The following FSTL5 variants were observed in gnomAD, a reference collection of about 807,000 sequenced individuals.
FSTL5 encodes the protein follistatin-related protein 5.
A neutral mutation model predicts 89.1 loss-of-function variants in FSTL5; 62 were observed. The ratio of observed to expected loss-of-function variants is 0.70; its 90% confidence interval spans 0.57 to 0.86. The LOEUF is 0.86. FSTL5 is among the 40% of genes least tolerant of loss of function. The pLI is 0.00. For synonymous variants in FSTL5, 383 were observed against 346.2 expected (o/e 1.11, Z -1.18); for missense variants, 1,057 against 1,001.6 (o/e 1.06, Z -0.75).
At chr4:162,020,895 G>A (rs1456573061) in intron 3 of FSTL5, among the ~76,000 whole-genome samples, 1 of 152,022 alleles carries the variant, frequency 6.6e-6, no homozygotes, top group Non-Finnish European at 1.5e-5. Context: ...TGCATTATTA[G>A]TCACTTCATG....
rs200586230 is a variant in FSTL5, at chr4:161,714,828, A to AT, written c.727+44582dup. ...GCTGGCTTTTAGTAGATTAATTGAG[A>AT]TTTTTTTCATAAAAGCCTGGGGTTA... On this transcript the variant is annotated intron_variant, in intron 6 of 15. Coordinates refer to ENST00000306100, the MANE Select transcript of FSTL5 (RefSeq NM_020116.5). Among the ~76,000 whole-genome samples, 940 of 152,152 alleles carry AT rather than the reference A, an allele frequency of 6.2e-3. 12 individuals are homozygous for AT. Among genetic ancestry groups the AT allele is most frequent in the East Asian group, 0.028 (147 of 5,172 alleles).
At chr4:161,969,580 G>A (rs989175563) in intron 3 of FSTL5, among the ~76,000 whole-genome samples, 26 of 151,988 alleles carry the variant, frequency 1.7e-4, no homozygotes, top group Non-Finnish European at 2.1e-4. Context: ...AAAATACAGT[G>A]ATACAAAATA....
rs1163286770 is a variant in FSTL5, at chr4:161,564,320, C to T, written c.1016-21627G>A. Among the ~76,000 whole-genome samples the T allele has an allele frequency of 6.6e-5, 10 of 150,478 alleles. No homozygotes were observed. The South Asian group carries it at 1.2e-3, about 19-fold the overall frequency. On this transcript the variant is annotated intron_variant, in intron 8 of 15. Coordinates refer to ENST00000306100, the MANE Select transcript of FSTL5 (RefSeq NM_020116.5). ...TGATCCTATAATAAAATAATAATAG[C>T]CATAACAATAAGGAATCATTAGCTT...
intron 6 of FSTL5, among the ~76,000 whole-genome samples, chr4:161,674,625 G>T (rs1034701921): frequency 5.9e-5 from 9 of 152,140 alleles, no homozygotes; most frequent in African/African-American, 2.2e-4. Context: ...CAGTCATATG[G>T]CTATGTCACA....
chr4:161,662,355 A>G (rs995547619), intron 6 of FSTL5, among the ~76,000 whole-genome samples: 2 of 152,332 alleles, frequency 1.3e-5, no homozygotes, highest in African/African-American at 4.8e-5. Flanking sequence ...AACACTAAAA[A>G]TAATCCAATA....
chr4:161,672,096 A>G lies in FSTL5; in HGVS notation c.728-15602T>C, dbSNP rs28373398. On this transcript the variant is annotated intron_variant, in intron 6 of 15. Transcript: ENST00000306100. Reference sequence around the variant, plus strand: ...AACTGCTTACACAGAAATGCTTTTGAGAAGGAAACCTACCAAGTAATTATT... The same window carrying G: ...AACTGCTTACACAGAAATGCTTTTGGGAAGGAAACCTACCAAGTAATTATT... 7.0e-3 allele frequency among the ~76,000 whole-genome samples: 1,067 copies of G among 152,236 alleles called. 13 individuals carry two copies. The highest frequency in any genetic ancestry group is 0.024 in the African/African-American group (983 of 41,544).
At chr4:161,782,044 T>C (rs1215061467) in intron 4 of FSTL5, among the ~76,000 whole-genome samples, 1 of 152,164 alleles carries the variant, frequency 6.6e-6, no homozygotes, top group African/African-American at 2.4e-5. Context: ...TGAATGTATG[T>C]TTCCAGCATG....
At chr4:161,606,205 AC>A (rs1366963089) in intron 7 of FSTL5, among the ~76,000 whole-genome samples, 1 of 144,246 alleles carries the variant, frequency 6.9e-6, no homozygotes, top group African/African-American at 2.6e-5. Context: ...CTCCAAGCTG[AC>A]CCCCAAATTT....
At chr4:161,513,072 A>G (rs1730700588) in intron 10 of FSTL5, among the ~76,000 whole-genome samples, 2 of 152,146 alleles carry the variant, frequency 1.3e-5, no homozygotes, top group South Asian at 4.1e-4. Context: ...TTTTCAGACA[A>G]GAAGTAAAAA....
intron 7 of FSTL5, among the ~76,000 whole-genome samples, chr4:161,612,856 A>G (rs903132960): frequency 5.3e-5 from 8 of 152,030 alleles, no homozygotes; most frequent in African/African-American, 1.9e-4. Context: ...GGTATCAATT[A>G]TGTTACAAGA....
At chr4:161,406,460 T>C (rs533402648) in intron 15 of FSTL5, among the ~76,000 whole-genome samples, 8 of 152,292 alleles carry the variant, frequency 5.3e-5, no homozygotes, top group Non-Finnish European at 8.8e-5. Flanking sequence ...GAATGCTCCA[T>C]ATTTTCTTGA....
intron 2 of FSTL5, among the ~76,000 whole-genome samples, chr4:162,085,413 A>G (rs952557515): frequency 2.0e-5 from 3 of 152,128 alleles, no homozygotes; most frequent in African/African-American, 7.2e-5. Context: ...CAATTTCAGT[A>G]TAAGAAAGTT....
chr4:161,947,551 CT>C (rs1718144065), intron 3 of FSTL5, among the ~76,000 whole-genome samples: 1 of 152,016 alleles, frequency 6.6e-6, no homozygotes, highest in Admixed American at 6.6e-5. Flanking sequence ...GAATGTGTAG[CT>C]TTATTTTCAG....
intron 6 of FSTL5, among the ~76,000 whole-genome samples, chr4:161,740,564 A>G (rs925076569): frequency 6.6e-6 from 1 of 152,142 alleles, no homozygotes; most frequent in African/African-American, 2.4e-5. Flanking sequence ...TGAGACAAAA[A>G]TGCATCTCTT....
At chr4:161,894,507 G>A (rs779104455) in intron 4 of FSTL5, among the ~76,000 whole-genome samples, 2 of 151,972 alleles carry the variant, frequency 1.3e-5, no homozygotes, top group African/African-American at 2.4e-5. Context: ...TTGAGATAGA[G>A]TCTCACTCTT....
chr4:162,105,352 A>G (rs1042711071), intron 2 of FSTL5, among the ~76,000 whole-genome samples: 1 of 152,180 alleles, frequency 6.6e-6, no homozygotes, highest in African/African-American at 2.4e-5. Flanking sequence ...AACTTTTACA[A>G]ACATCTTCGT....
intron 6 of FSTL5, among the ~76,000 whole-genome samples, chr4:161,736,857 T>G (rs1739834842): frequency 6.6e-6 from 1 of 152,022 alleles, no homozygotes; most frequent in Non-Finnish European, 1.5e-5. Context: ...TGAATTAAAC[T>G]ACTACTCCTG....
At chr4:161,559,721 C>G (rs1476579966) in intron 8 of FSTL5, among the ~76,000 whole-genome samples, 3 of 151,792 alleles carry the variant, frequency 2.0e-5, no homozygotes, top group Non-Finnish European at 2.9e-5. Context: ...ATATATATAT[C>G]ATATGCATGT....
In FSTL5 at chr4:161,539,716, C is replaced by A. The variant is rs199520744; in HGVS notation, c.1178-1416G>T. Among the ~76,000 whole-genome samples, 226 of 151,516 alleles carry A rather than the reference C, an allele frequency of 1.5e-3. 4 individuals are homozygous for A. In the East Asian group the frequency reaches 0.033, roughly 22 times the overall value. ...AAATACAAACCAACAACAACAACAA[C>A]AAAAAAGAAAGCAAAAACAAAAACA... On this transcript the variant is annotated intron_variant, in intron 9 of 15. Transcript: ENST00000306100.
Sources: gnomAD v4.1 joint callset for allele counts (sites outside exome capture counted in the v4.1 genomes callset) on GRCh38, gnomAD v4.1.1 for gene constraint, MANE v1.5 for transcripts, NCBI Gene and HGNC (gene_info 2026-07-23, HGNC 2026-07-21) for gene names.